MTPN: variants seen among roughly 807,000 people sequenced by gnomAD.
MTPN encodes the protein myotrophin.
In MTPN, 2 loss-of-function variants were observed where a neutral mutation model predicts 13.5. The observed-to-expected ratio is 0.15, with a 90% CI of 0.06 to 0.47. The LOEUF is 0.47. MTPN is among the 20% of genes least tolerant of loss of function. The pLI, the probability that MTPN is intolerant of heterozygous loss-of-function variation, is 0.97. For missense variants in MTPN, 79 were observed against 137.9 expected, an observed-to-expected ratio of 0.57 and a Z score of 2.14; for synonymous variants, 46 against 51.7, an observed-to-expected ratio of 0.89 and a Z score of 0.48.
intron 1 of MTPN, among the ~76,000 whole-genome samples, chr7:135,969,221 T>TA (rs1799654566): frequency 8.8e-6 from 1 of 113,168 alleles, no homozygotes; most frequent in African/African-American, 3.5e-5. Flanking sequence ...ACATGTACCC[T>TA]AAAACTTAAA....
intron 1 of MTPN, among the ~76,000 whole-genome samples, chr7:135,954,368 T>C (rs752376599): frequency 6.6e-5 from 10 of 152,258 alleles, no homozygotes; most frequent in Non-Finnish European, 1.2e-4. Context: ...ATATTATTTA[T>C]TGTAACATGC....
chr7:135,972,261 C>CACACA (rs35026808), intron 1 of MTPN, among the ~76,000 whole-genome samples: 35 of 90,850 alleles, frequency 3.9e-4, no homozygotes, highest in Admixed American at 1.5e-3. Flanking sequence ...ACACACACAC[C>CACACA]CCATGTAGAT....
intron 1 of MTPN, among the ~76,000 whole-genome samples, chr7:135,960,166 A>AATGTGATTAAATTATATC (rs1799500243): frequency 6.6e-6 from 1 of 152,116 alleles, no homozygotes; most frequent in Admixed American, 6.6e-5. Context: ...CCATTCATAT[A>AATGTGATTAAATTATATC]ATGTGATTAA....
rs745619467 is a variant in MTPN at position 135,928,319 on chromosome 7, T to C, written c.*1607A>G. The stretch of plus-strand genomic sequence containing the variant: ...ACACACACACACCCACACACACCTA[T>C]ACACCCACACACCCACATGCCAACC... On this transcript the variant is annotated 3_prime_UTR_variant, in exon 4 of 4. Coordinates refer to ENST00000393085, the MANE Select transcript of MTPN (RefSeq NM_145808.4). 1 of 166,684 alleles carries C rather than the reference T, an allele frequency of 6.0e-6. No homozygotes were observed. The highest frequency in any genetic ancestry group is 1.5e-5 in the Non-Finnish European group (1 of 68,072). 10.3% of individuals were successfully genotyped at this position (166,684 alleles called of 1,614,324 possible).
chr7:135,927,139 A>G lies in MTPN; in HGVS notation c.*2787T>C. The G allele has an allele frequency of 1.7e-6, 1 of 605,046 alleles. No homozygotes were observed. Among genetic ancestry groups the G allele is most frequent in the Non-Finnish European group, 2.6e-6 (1 of 384,764 alleles). The allele number at this position is 605,046 out of a possible 1,614,324, so 37.5% of individuals were successfully genotyped here. On this transcript the variant is annotated 3_prime_UTR_variant, in exon 4 of 4. Coordinates refer to ENST00000393085, the MANE Select transcript of MTPN (RefSeq NM_145808.4). ...ACAGCAGCTCAACTGAAATATTAGA[A>G]AAAAAAATCAAACAGATACATACAG...
intron 1 of MTPN, among the ~76,000 whole-genome samples, chr7:135,962,897 G>C (rs1489513598): frequency 3.9e-5 from 6 of 152,010 alleles, no homozygotes; most frequent in African/African-American, 1.4e-4. Flanking sequence ...CAGGTGAAAA[G>C]AAACAAATAA....
intron 1 of MTPN, among the ~76,000 whole-genome samples, chr7:135,959,352 TCA>T (rs1359810776): frequency 2.0e-5 from 3 of 152,188 alleles, no homozygotes; most frequent in African/African-American, 7.2e-5. Flanking sequence ...CTAAAATTGG[TCA>T]CAGACACCCT....
At chr7:135,943,426 A>C (rs1200649010) in intron 3 of MTPN, among the ~76,000 whole-genome samples, 1 of 152,240 alleles carries the variant, frequency 6.6e-6, no homozygotes, top group African/African-American at 2.4e-5. Context: ...GGGATATTCA[A>C]GTTTTACTAA....
chr7:135,953,493 T>G (rs745882118), intron 1 of MTPN, among the ~76,000 whole-genome samples: 9 of 152,206 alleles, frequency 5.9e-5, no homozygotes, highest in Non-Finnish European at 1.3e-4. Flanking sequence ...CTCATGGAGT[T>G]GTGGGGGTTA....
chr7:135,967,437 G>A (rs1023683246), intron 1 of MTPN, among the ~76,000 whole-genome samples: 4 of 152,148 alleles, frequency 2.6e-5, no homozygotes, highest in Admixed American at 6.6e-5. Flanking sequence ...GCTAGCACAA[G>A]ATGACTTCAT....
chr7:135,977,095 G>A lies in MTPN; in HGVS notation c.6C>T (p.Cys2=), dbSNP rs372598182. 2 of 1,613,978 alleles carry A rather than the reference G, an allele frequency of 1.2e-6. No individual in the cohort carries two copies. The highest frequency in any genetic ancestry group is 2.7e-5 in the African/African-American group (2 of 74,914). ...TCAGGGCCCACATGAACTCCTTGTC[G>A]CACATCACTGCAGCGGGGCAGGCCG... is the stretch of plus-strand genomic sequence containing the variant. M[C]DKEFMWALKN... is the part of the protein sequence containing the mutation. Residue 2 remains cysteine, a synonymous_variant, in exon 1 of 4, where the codon TGC becomes TGT. Coordinates refer to ENST00000393085, the MANE Select transcript of MTPN (RefSeq NM_145808.4).
At chr7:135,938,989 C>T (rs961275822) in intron 3 of MTPN, among the ~76,000 whole-genome samples, 1 of 151,978 alleles carries the variant, frequency 6.6e-6, no homozygotes, top group African/African-American at 2.4e-5. Context: ...TTTTTCCCCC[C>T]ACAGTACTTG....
rs1799087398 is a variant in MTPN, at chr7:135,934,774, A to C, written c.271-4762T>G. ...TAACTCTCAAGACAGTATTATCTCC[A>C]CATTCTCCTGTCTAGCCTGCCTCTC... On this transcript the variant is annotated intron_variant, in intron 3 of 3. Transcript: ENST00000393085. 2.0e-5 allele frequency among the ~76,000 whole-genome samples: 3 copies of C among 152,088 alleles called. No homozygotes were observed. The South Asian group carries it at 6.2e-4, about 32-fold the overall frequency.
chr7:135,937,370 TACACACACACAC>T (rs35704525), intron 3 of MTPN, among the ~76,000 whole-genome samples: 8,221 of 144,464 alleles, frequency 0.057, 282 homozygotes, highest in East Asian at 0.098. Context: ...GCTAACTGGA[TACACACACACAC>T]ACACACACAC....
At chr7:135,972,231 GCACACACACA>G (rs67168370) in intron 1 of MTPN, among the ~76,000 whole-genome samples, 3 of 124,700 alleles carry the variant, frequency 2.4e-5, no homozygotes, top group Non-Finnish European at 1.7e-5. Flanking sequence ...GCACGCGCGC[GCACACACACA>G]CACACACACA....
Position 135,927,745 on chromosome 7 carries a change from T to C in MTPN, c.*2181A>G, listed in dbSNP as rs750824984. The stretch of plus-strand genomic sequence containing the variant: ...GCAATCGCTTCATAATTATAGGGTT[T>C]ACAAAAAGGTCGAGAAAGAAAAGCG... On this transcript the variant is annotated 3_prime_UTR_variant, in exon 4 of 4. Transcript: ENST00000393085. 11 of 480,308 alleles carry C rather than the reference T, an allele frequency of 2.3e-5. No homozygotes were observed. Among genetic ancestry groups the C allele is most frequent in the Non-Finnish European group, 3.8e-5 (9 of 235,546 alleles). 29.8% of individuals were successfully genotyped at this position (480,308 alleles called of 1,614,324 possible). A position where few individuals can be genotyped will look rare whatever the true frequency, so the allele number is the denominator to read the frequency against.
At chr7:135,961,616 T>G (rs768635603) in intron 1 of MTPN, among the ~76,000 whole-genome samples, 1 of 151,906 alleles carries the variant, frequency 6.6e-6, no homozygotes, top group Non-Finnish European at 1.5e-5. Flanking sequence ...GCCTCCCCAG[T>G]AGCTGGGATT....
intron 3 of MTPN, among the ~76,000 whole-genome samples, chr7:135,931,243 T>C (rs774666092): frequency 6.6e-6 from 1 of 152,140 alleles, no homozygotes; most frequent in Admixed American, 6.6e-5. Flanking sequence ...CCAGTCTGGC[T>C]GGTATGAGAG....
rs1162402211 is a variant in MTPN, at chr7:135,927,687, A to G, written c.*2239T>C. 1.8e-6 allele frequency: 1 copy of G among 558,858 alleles called. No homozygotes were observed. Among genetic ancestry groups the G allele is most frequent in the Non-Finnish European group, 3.5e-6 (1 of 285,854 alleles). The allele number at this position is 558,858 out of a possible 1,614,324, so 34.6% of individuals were successfully genotyped here. On this transcript the variant is annotated 3_prime_UTR_variant, in exon 4 of 4. Coordinates refer to ENST00000393085, the MANE Select transcript of MTPN (RefSeq NM_145808.4). Reference sequence around the variant, plus strand: ...AACTGTGAACCATCTTGGTCAGTCTATTCTATTCTATGTTTATATGTTATT... The same window carrying G: ...AACTGTGAACCATCTTGGTCAGTCTGTTCTATTCTATGTTTATATGTTATT...
Sources: gnomAD v4.1 joint callset for allele counts (sites outside exome capture counted in the v4.1 genomes callset) on GRCh38, gnomAD v4.1.1 for gene constraint, MANE v1.5 for transcripts, NCBI Gene and HGNC (gene_info 2026-07-23, HGNC 2026-07-21) for gene names.